Variants in CACNA1C observed in about 807,000 individuals in gnomAD.
The protein encoded by CACNA1C is calcium voltage-gated channel subunit alpha1 C.
In CACNA1C, 30 loss-of-function variants were observed where a neutral mutation model predicts 229.0. The observed-to-expected ratio is 0.13, with a 90% CI of 0.10 to 0.18. The LOEUF (loss-of-function observed/expected upper bound fraction) is 0.18. Among genes scored for constraint, CACNA1C ranks in the 10% least tolerant of loss-of-function variants. The pLI, the probability that CACNA1C is intolerant of heterozygous loss-of-function variation, is 1.00. For synonymous variants in CACNA1C, 1,114 were observed against 1,132.5 expected, an observed-to-expected ratio of 0.98 and a Z score of 0.33; for missense variants, 1,658 against 2,845.0, an observed-to-expected ratio of 0.58 and a Z score of 9.49.
At chr12:2,267,367 G>A (rs144914282) in intron 3 of CACNA1C, among the ~76,000 whole-genome samples, 64 of 152,270 alleles carry the variant, frequency 4.2e-4, no homozygotes, top group African/African-American at 1.4e-3. Context: ...GTTAAGTGCT[G>A]TGCCCTAGAT....
At chr12:2,210,746 TTCATTCAG>T (rs1214794740) in intron 3 of CACNA1C, among the ~76,000 whole-genome samples, 3 of 152,188 alleles carry the variant, frequency 2.0e-5, no homozygotes, top group African/African-American at 4.8e-5. Flanking sequence ...AGTTAATTTT[TTCATTCAG>T]TCATTCAGTC....
At chr12:2,556,905 C>T in intron 10 of CACNA1C, 46 bp from the exon 11 acceptor site, 2 of 1,552,366 alleles carry the variant, frequency 1.3e-6, no homozygotes, top group Admixed American at 1.7e-5. Context: ...CTTTTAAATG[C>T]ACGTGTGTGT....
chr12:2,278,239 C>T (rs2089698098), intron 3 of CACNA1C, among the ~76,000 whole-genome samples: 1 of 152,184 alleles, frequency 6.6e-6, no homozygotes, highest in Non-Finnish European at 1.5e-5. Flanking sequence ...GTCTATTGTT[C>T]TATGAATTTT....
At position 2,633,643 on chromosome 12, in the gene CACNA1C, T is replaced by A. The variant is rs771788166; in HGVS notation, c.3829-654T>A. Reference sequence around the variant, plus strand: ...CCCTTATGTAGGGTTACTTTAGTGATCCCTGGAATGTTTTTGACTTCCTCA... The same window carrying A: ...CCCTTATGTAGGGTTACTTTAGTGAACCCTGGAATGTTTTTGACTTCCTCA... On this transcript the variant is annotated intron_variant, in intron 29 of 46. Coordinates refer to ENST00000399655, the MANE Select transcript of CACNA1C (RefSeq NM_000719.7). This position sits in a 1 kb window ranked among gnomAD's most constrained non-coding sequence, Gnocchi z 5.8. The A allele has an allele frequency of 2.5e-6, 4 of 1,604,424 alleles. No individual in the cohort carries two copies. In the South Asian group the frequency reaches 4.4e-5, roughly 18 times the overall value.
intron 7 of CACNA1C, among the ~76,000 whole-genome samples, chr12:2,497,600 C>A (rs939565088): frequency 2.0e-5 from 3 of 152,136 alleles, no homozygotes; most frequent in Admixed American, 2.0e-4. Flanking sequence ...GCCTCTGGCC[C>A]GCGTTATCCT....
At chr12:2,306,557 G>T (rs1471283632) in intron 3 of CACNA1C, among the ~76,000 whole-genome samples, 2 of 152,146 alleles carry the variant, frequency 1.3e-5, no homozygotes, top group African/African-American at 4.8e-5. Flanking sequence ...TCCTCTGCCT[G>T]TCCCGTCTTG....
At chr12:2,366,690 A>G (rs1020544904) in intron 3 of CACNA1C, among the ~76,000 whole-genome samples, 2 of 152,202 alleles carry the variant, frequency 1.3e-5, no homozygotes, top group South Asian at 2.1e-4. Flanking sequence ...GGCAGCAGGG[A>G]CCATTTATTA....
At chr12:2,156,155 G>A (rs1170577122) in intron 3 of CACNA1C, among the ~76,000 whole-genome samples, 2 of 152,160 alleles carry the variant, frequency 1.3e-5, no homozygotes, top group African/African-American at 2.4e-5. Context: ...ACATACATAC[G>A]TGGCAAAAGC....
chr12:2,606,696 G>A (rs747949040), intron 25 of CACNA1C, 33 bp downstream of exon 25: 44 of 1,589,952 alleles, frequency 2.8e-5, no homozygotes, highest in Non-Finnish European at 3.4e-5. Context: ...CCAGGGCCAC[G>A]GCCGGTCAGC....
At chr12:2,005,865 G>A (rs142556812) in intron 1 of CACNA1C, among the ~76,000 whole-genome samples, 4,071 of 152,254 alleles carry the variant, frequency 0.027, 92 homozygotes, top group Middle Eastern at 0.045. Context: ...GCTAAGCTTT[G>A]AGAAACTCCA....
chr12:2,040,991 C>T (rs2049980788), intron 1 of CACNA1C, among the ~76,000 whole-genome samples: 2 of 152,248 alleles, frequency 1.3e-5, no homozygotes, highest in Middle Eastern at 6.8e-3. Context: ...CTTTTGTCTT[C>T]TAGGCTGTAA....
rs138728918 is a variant in CACNA1C at position 2,622,891 on chromosome 12, G to A, written c.3828+10878G>A. 4.3e-3 allele frequency among the ~76,000 whole-genome samples: 650 copies of A among 152,282 alleles called. 4 individuals are homozygous for A. The highest frequency in any genetic ancestry group is 0.015 in the African/African-American group (611 of 41,556). On this transcript the variant is annotated intron_variant, in intron 29 of 46. Transcript: ENST00000399655. ...CCATCTCCTGGTGGCCTTCTGTGGG[G>A]CCTCAGGACAGATCTTCAGGGCCAG...
Position 2,677,231 on chromosome 12 carries a change from TG to T in CACNA1C, c.4956+15del. 1 of 1,612,844 alleles carries T rather than the reference TG, an allele frequency of 6.2e-7. No homozygotes were observed. The highest frequency in any genetic ancestry group is 8.5e-7 in the Non-Finnish European group (1 of 1,179,416). On this transcript the variant is annotated intron_variant, in intron 40 of 46. Coordinates refer to ENST00000399655, the MANE Select transcript of CACNA1C (RefSeq NM_000719.7). This position sits in a 1 kb window ranked among gnomAD's most constrained non-coding sequence, Gnocchi z 7.4. The stretch of plus-strand genomic sequence containing the variant: ...CGCGCTGTCTCTGCAGGTGAGGGCC[TG>T]GGGGCGGGCCCACACTCCAGGAAGG...
Position 2,602,837 on chromosome 12 carries a change from A to T in CACNA1C, c.2960+877A>T, listed in dbSNP as rs2073388015. Reference sequence around the variant, plus strand: ...CTGATAGTGTGAATCCTACACTTTAACTTTCAAAGCACTTCCACATACACA... The same window carrying T: ...CTGATAGTGTGAATCCTACACTTTATCTTTCAAAGCACTTCCACATACACA... On this transcript the variant is annotated intron_variant, in intron 22 of 46. Transcript: ENST00000399655. The surrounding 1 kb of genome is among the most constrained non-coding windows in gnomAD (Gnocchi z 4.4). 6.6e-6 allele frequency among the ~76,000 whole-genome samples: 1 copy of T among 152,148 alleles called. No homozygotes were observed. Among genetic ancestry groups the T allele is most frequent in the African/African-American group, 2.4e-5 (1 of 41,424 alleles).
chr12:2,502,575 G>A (rs971782838), intron 7 of CACNA1C, among the ~76,000 whole-genome samples: 1 of 152,162 alleles, frequency 6.6e-6, no homozygotes, highest in Admixed American at 6.5e-5. Context: ...CACGATATTT[G>A]CACTATGCAC....
intron 1 of CACNA1C, among the ~76,000 whole-genome samples, chr12:1,980,661 T>C (rs1250269516): frequency 2.1e-5 from 2 of 95,124 alleles, no homozygotes; most frequent in Non-Finnish European, 4.9e-5. Context: ...TTAAATCCAG[T>C]GTTTGGTAAT....
At position 2,692,965 on chromosome 12, in the gene CACNA1C, T is replaced by C. The variant is rs1422414252; in HGVS notation, c.*1766T>C. 6.6e-6 allele frequency: 1 copy of C among 152,670 alleles called. No homozygotes were observed. The highest frequency in any genetic ancestry group is 2.4e-5 in the African/African-American group (1 of 41,466). The allele number at this position is 152,670 out of a possible 1,614,324, so 9.5% of individuals were successfully genotyped here. ...TTACCTTTGAACTCAAGTGCTTTTC[T>C]ATATGTGGTTGGGGGAAAGGGAACA... On this transcript the variant is annotated 3_prime_UTR_variant, in exon 47 of 47. Coordinates refer to ENST00000399655, the MANE Select transcript of CACNA1C (RefSeq NM_000719.7).
chr12:2,512,801 A>C lies in CACNA1C; in HGVS notation c.1218-11A>C. On this transcript the variant is annotated splice_polypyrimidine_tract_variant and intron_variant, in intron 8 of 46. Transcript: ENST00000399655. The surrounding 1 kb of genome is among the most constrained non-coding windows in gnomAD (Gnocchi z 4.3). ...GCTCTCCTGCCCTGCCCCTCCTCTC[A>C]CTCTCACCAGAGAGTTTTCCAAAGA... 2 of 1,601,132 alleles carry C rather than the reference A, an allele frequency of 1.2e-6. No homozygotes were observed. The highest frequency in any genetic ancestry group is 1.4e-5 in the African/African-American group (1 of 73,874).
At position 2,575,136 on chromosome 12, in the gene CACNA1C, C is replaced by T. The variant is rs538874044; in HGVS notation, c.1896-6454C>T. Among the ~76,000 whole-genome samples the T allele has an allele frequency of 2.0e-5, 3 of 152,172 alleles. No individual in the cohort carries two copies. Among genetic ancestry groups the T allele is most frequent in the East Asian group, 1.9e-4 (1 of 5,194 alleles). ...ATGCAGGTTCCGTTCTTAATGTGAC[C>T]GAGACATCTGCTGCAAACAGAGAAG... On this transcript the variant is annotated intron_variant, in intron 13 of 46. Coordinates refer to ENST00000399655, the MANE Select transcript of CACNA1C (RefSeq NM_000719.7). This position sits in a 1 kb window ranked among gnomAD's most constrained non-coding sequence, Gnocchi z 4.0.
Sources: gnomAD v4.1 joint callset for allele counts (sites outside exome capture counted in the v4.1 genomes callset) on GRCh38, gnomAD v4.1.1 for gene constraint, Gnocchi (gnomAD v3.1) non-coding constraint, MANE v1.5 for transcripts, NCBI Gene and HGNC (gene_info 2026-07-23, HGNC 2026-07-21) for gene names.